The following LSM3 variants were observed in gnomAD, a reference collection of about 807,000 sequenced individuals.
The protein encoded by LSM3 is U6 snRNA-associated Sm-like protein LSm3.
Under a neutral mutation model 15.4 loss-of-function variants are expected in LSM3, and 14 were observed. The observed-to-expected ratio is 0.91, with a 90% CI of 0.60 to 1.42. LSM3 has a LOEUF of 1.42. Ranked by LOEUF, LSM3 falls within the 40% of genes most tolerant of loss-of-function variation. The pLI is 0.00. For missense variants in LSM3, 88 were observed against 127.9 expected (o/e 0.69, Z 1.50); for synonymous variants, 46 against 45.1 (o/e 1.02, Z -0.08).
intron 3 of LSM3, among the ~76,000 whole-genome samples, chr3:14,195,898 G>T (rs1189043918): frequency 1.3e-5 from 2 of 151,798 alleles, no homozygotes; most frequent in Non-Finnish European, 2.9e-5. Flanking sequence ...GGCATGTGCT[G>T]TGTTTCCTTT....
chr3:14,198,550 A>G lies in LSM3; in HGVS notation c.*434A>G, dbSNP rs1013397811. 1.2e-5 allele frequency: 2 copies of G among 160,302 alleles called. No homozygotes were observed. The highest frequency in any genetic ancestry group is 4.8e-5 in the African/African-American group (2 of 41,430). 9.9% of individuals were successfully genotyped at this position (160,302 alleles called of 1,614,324 possible). On this transcript the variant is annotated 3_prime_UTR_variant, in exon 4 of 4. Transcript: ENST00000306024. ...GAGGCACCAGGTTTGAGTGCTGGGAACCAGAGTTTTATCAAAATGCTTTCT... is the reference window on the plus strand; with the variant it reads ...GAGGCACCAGGTTTGAGTGCTGGGAGCCAGAGTTTTATCAAAATGCTTTCT...
At position 14,198,896 on chromosome 3, in the gene LSM3, TGGGGA is replaced by T. The variant is rs1162432749; in HGVS notation, c.*783_*787del. 1 of 151,120 alleles carries T rather than the reference TGGGGA, an allele frequency of 6.6e-6. No homozygotes were observed. Among genetic ancestry groups the T allele is most frequent in the Admixed American group, 6.6e-5 (1 of 15,170 alleles). The allele number at this position is 151,120 out of a possible 1,614,324, so 9.4% of individuals were successfully genotyped here. On this transcript the variant is annotated 3_prime_UTR_variant, in exon 4 of 4. Coordinates refer to ENST00000306024, the MANE Select transcript of LSM3 (RefSeq NM_014463.3). ...AAAAGTTTTCTGCCCTCAAGTCTTC[TGGGGA>T]GGCAGATGTTTAAACCAACAATTGC...
At chr3:14,179,999 C>T (rs939833293) in intron 1 of LSM3, among the ~76,000 whole-genome samples, 1 of 152,186 alleles carries the variant, frequency 6.6e-6, no homozygotes, top group Non-Finnish European at 1.5e-5. Context: ...TTAACAAACA[C>T]TTGTTGAACT....
rs780295345 is a variant in LSM3 at position 14,184,024 on chromosome 3, A to T, written c.220A>T (p.Ile74Leu). ...AATTGATGAAGAAACATATGAAGAG[A>T]TATATAAAGTAAGTCATGCAATTCT... ...IEIDEETYEE[I>L]YKSTKRNIPM... The change falls in exon 3 of 4, where the codon ATA (isoleucine) becomes TTA (leucine). Residue 74 changes from isoleucine (I) to leucine (L), a missense_variant. Transcript: ENST00000306024. 6 of 1,606,698 alleles carry T rather than the reference A, an allele frequency of 3.7e-6. No individual in the cohort carries two copies. In the East Asian group the frequency reaches 1.3e-4, roughly 36 times the overall value.
At position 14,198,318 on chromosome 3, in the gene LSM3, T is replaced by A; in HGVS notation, c.*202T>A. 1.8e-6 allele frequency: 1 copy of A among 541,358 alleles called. No homozygotes were observed. The highest frequency in any genetic ancestry group is 3.3e-6 in the Non-Finnish European group (1 of 306,186). 33.5% of individuals were successfully genotyped at this position (541,358 alleles called of 1,614,324 possible). A position where few individuals can be genotyped will look rare whatever the true frequency, so the allele number is the denominator to read the frequency against. On this transcript the variant is annotated 3_prime_UTR_variant, in exon 4 of 4. Transcript: ENST00000306024. ...TGGTATTTTCATTTTTCTCAAGCTC[T>A]CCAATAAATATGACCACCAAGATGC...
Position 14,186,669 on chromosome 3 carries a change from T to C in LSM3, c.228+2637T>C, listed in dbSNP as rs544664702. ...TTTCTCCAAGAAAGAATAGCATTTT[T>C]TAAAATCTGCATTTTTTCCCCTTTA... is the stretch of plus-strand genomic sequence containing the variant. On this transcript the variant is annotated intron_variant, in intron 3 of 3. Coordinates refer to ENST00000306024, the MANE Select transcript of LSM3 (RefSeq NM_014463.3). 6.1e-4 allele frequency among the ~76,000 whole-genome samples: 93 copies of C among 152,338 alleles called. 4 individuals are homozygous for C. In the South Asian group the frequency reaches 0.018, roughly 30 times the overall value.
At position 14,184,008 on chromosome 3, in the gene LSM3, A is replaced by T. The variant is rs746157892; in HGVS notation, c.204A>T (p.Glu68Asp). ...CTGTGACTACTATAGAAATTGATGA[A>T]GAAACATATGAAGAGATATATAAAG... ...EETVTTIEIDEETYEEIYKST... is the reference protein window; with the variant it reads ...EETVTTIEIDDETYEEIYKST... The change falls in exon 3 of 4, where the codon GAA (glutamate) becomes GAT (aspartate). Residue 68 changes from glutamate (E) to aspartate (D), a missense_variant. Physicochemically the swap from Glu to Asp is conservative, Grantham distance 45. Coordinates refer to ENST00000306024, the MANE Select transcript of LSM3 (RefSeq NM_014463.3). 2.5e-5 allele frequency: 40 copies of T among 1,609,460 alleles called. No homozygotes were observed. Among genetic ancestry groups the T allele is most frequent in the Non-Finnish European group, 3.4e-5 (40 of 1,179,044 alleles).
chr3:14,192,212 A>C (rs1024425537), intron 3 of LSM3, among the ~76,000 whole-genome samples: 2 of 152,148 alleles, frequency 1.3e-5, no homozygotes, highest in Non-Finnish European at 2.9e-5. Context: ...TATGTGGTCA[A>C]TTTTAGAATA....
chr3:14,180,847 TTTTTTTTTTTA>T (rs1697030221), intron 1 of LSM3, among the ~76,000 whole-genome samples: 3 of 83,034 alleles, frequency 3.6e-5, no homozygotes, highest in African/African-American at 1.5e-4. Context: ...TTTTTTTTTT[TTTTTTTTTTTA>T]AAAAAAAAAA....
chr3:14,186,485 A>G (rs1697090491), intron 3 of LSM3, among the ~76,000 whole-genome samples: 1 of 152,206 alleles, frequency 6.6e-6, no homozygotes, highest in Non-Finnish European at 1.5e-5. Context: ...GTTAGCCTTC[A>G]CTGGATTTTG....
intron 3 of LSM3, among the ~76,000 whole-genome samples, chr3:14,186,603 T>A (rs1056054413): frequency 6.6e-5 from 10 of 152,248 alleles, no homozygotes; most frequent in African/African-American, 1.9e-4. Flanking sequence ...TTTCTTTTTT[T>A]AAAATTTTTA....
chr3:14,179,633 A>G (rs987925283), intron 1 of LSM3, among the ~76,000 whole-genome samples: 1 of 152,192 alleles, frequency 6.6e-6, no homozygotes, highest in Non-Finnish European at 1.5e-5. Flanking sequence ...ATCTTTGTTT[A>G]ATGTGAATCT....
chr3:14,182,300 A>G (rs1697047007), intron 2 of LSM3, among the ~76,000 whole-genome samples: 1 of 151,730 alleles, frequency 6.6e-6, no homozygotes, highest in African/African-American at 2.4e-5. Context: ...CCCTACCTCT[A>G]CAAAACATGG....
intron 3 of LSM3, 124 bp downstream of exon 3, chr3:14,184,156 G>A (rs955456051): frequency 1.6e-5 from 19 of 1,214,722 alleles, no homozygotes; most frequent in East Asian, 3.0e-5. Context: ...GTAGAGCATA[G>A]CAATTAAAAG....
chr3:14,185,709 C>CAG (rs890879950), intron 3 of LSM3, among the ~76,000 whole-genome samples: 6 of 152,186 alleles, frequency 3.9e-5, no homozygotes, highest in Admixed American at 1.3e-4. Flanking sequence ...GAAACGGTAA[C>CAG]AGTAAACTTT....
intron 1 of LSM3, among the ~76,000 whole-genome samples, chr3:14,179,328 A>C (rs1260674868): frequency 6.6e-6 from 1 of 152,240 alleles, no homozygotes; most frequent in African/African-American, 2.4e-5. Flanking sequence ...CTTGGAGCTT[A>C]TATTTGCGAG....
intron 3 of LSM3, among the ~76,000 whole-genome samples, chr3:14,191,322 C>G (rs1052072321): frequency 2.0e-5 from 3 of 152,176 alleles, no homozygotes; most frequent in Admixed American, 6.5e-5. Context: ...AGGATTCCCT[C>G]TTTTTCTATT....
At chr3:14,179,138 C>A (rs1696979699) in intron 1 of LSM3, among the ~76,000 whole-genome samples, 1 of 152,210 alleles carries the variant, frequency 6.6e-6, no homozygotes, top group South Asian at 2.1e-4. Context: ...TTAGCTACCT[C>A]ATGGAGCTGT....
At chr3:14,185,040 A>G (rs1697075229) in intron 3 of LSM3, among the ~76,000 whole-genome samples, 1 of 149,134 alleles carries the variant, frequency 6.7e-6, no homozygotes, top group African/African-American at 2.5e-5. Flanking sequence ...CTTGTCAACA[A>G]GAGTGAAACG....
Sources: gnomAD v4.1 joint callset for allele counts (sites outside exome capture counted in the v4.1 genomes callset) on GRCh38, gnomAD v4.1.1 for gene constraint, MANE v1.5 for transcripts, NCBI Gene and HGNC (gene_info 2026-07-23, HGNC 2026-07-21) for gene names.